The following UBASH3B variants were observed in gnomAD, a reference collection of about 807,000 sequenced individuals.
UBASH3B encodes the protein ubiquitin associated and SH3 domain containing B.
In UBASH3B, 37 loss-of-function variants were observed where a neutral mutation model predicts 83.4. The observed-to-expected ratio is 0.44, with a 90% CI of 0.34 to 0.58. The LOEUF is 0.58. UBASH3B is among the 20% of genes least tolerant of loss of function. The pLI is 0.01. For missense variants in UBASH3B, 657 were observed against 827.2 expected (o/e 0.79, Z 2.52); for synonymous variants, 304 against 318.3 (o/e 0.96, Z 0.48).
intron 1 of UBASH3B, among the ~76,000 whole-genome samples, chr11:122,681,069 T>C (rs1863732032): frequency 6.6e-6 from 1 of 152,230 alleles, no homozygotes; most frequent in Non-Finnish European, 1.5e-5. Flanking sequence ...TAGGTGCTAT[T>C]CCATAACAAA....
At chr11:122,733,658 T>A (rs1338287832) in intron 1 of UBASH3B, among the ~76,000 whole-genome samples, 1 of 152,230 alleles carries the variant, frequency 6.6e-6, no homozygotes, top group Non-Finnish European at 1.5e-5. Context: ...AGCCCTGGAA[T>A]TTTTGCTTTA....
At chr11:122,724,288 C>T (rs748607296) in intron 1 of UBASH3B, among the ~76,000 whole-genome samples, 6 of 152,072 alleles carry the variant, frequency 3.9e-5, no homozygotes, top group Non-Finnish European at 5.9e-5. Context: ...CAGGTTTTGG[C>T]GAGGAGCAGA....
intron 1 of UBASH3B, among the ~76,000 whole-genome samples, chr11:122,742,406 C>T (rs1398944957): frequency 1.3e-5 from 2 of 152,220 alleles, no homozygotes; most frequent in Admixed American, 1.3e-4. Flanking sequence ...CCTATGACCT[C>T]TGATGCTCCA....
At chr11:122,671,183 C>G (rs552432728) in intron 1 of UBASH3B, among the ~76,000 whole-genome samples, 1 of 152,348 alleles carries the variant, frequency 6.6e-6, no homozygotes, top group East Asian at 1.9e-4. Flanking sequence ...AGCCACACCA[C>G]TCCTGCCTTC....
chr11:122,790,850 C>T (rs1298910253), intron 6 of UBASH3B, among the ~76,000 whole-genome samples: 1 of 151,884 alleles, frequency 6.6e-6, no homozygotes, highest in Non-Finnish European at 1.5e-5. Context: ...ACTCAGGAGG[C>T]TGAGGCAGGA....
At chr11:122,719,029 C>T (rs941637267) in intron 1 of UBASH3B, among the ~76,000 whole-genome samples, 7 of 152,000 alleles carry the variant, frequency 4.6e-5, no homozygotes, top group East Asian at 3.9e-4. Context: ...AGATTGAGAC[C>T]GTCTCTCAAA....
chr11:122,792,390 C>T (rs2135166854), intron 6 of UBASH3B, among the ~76,000 whole-genome samples: 1 of 150,490 alleles, frequency 6.6e-6, no homozygotes, highest in Admixed American at 6.7e-5. Context: ...GCAATGTTAG[C>T]TCACTGTAAC....
intron 1 of UBASH3B, among the ~76,000 whole-genome samples, chr11:122,735,635 CA>C (rs1231138295): frequency 6.6e-6 from 1 of 152,206 alleles, no homozygotes; most frequent in African/African-American, 2.4e-5. Flanking sequence ...TCCCTAGTAG[CA>C]ACAACTAATT....
At chr11:122,746,675 G>A (rs1861123253) in intron 1 of UBASH3B, among the ~76,000 whole-genome samples, 1 of 152,106 alleles carries the variant, frequency 6.6e-6, no homozygotes, top group Admixed American at 6.5e-5. Context: ...TGAGACTTCC[G>A]AAGAGAGCTG....
chr11:122,705,466 A>G (rs995968596), intron 1 of UBASH3B, among the ~76,000 whole-genome samples: 1 of 151,798 alleles, frequency 6.6e-6, no homozygotes, highest in Non-Finnish European at 1.5e-5. Flanking sequence ...AAAAAAAAAA[A>G]AAAAAGAAAA....
chr11:122,776,476 A>AATT (rs1860737097), intron 2 of UBASH3B, among the ~76,000 whole-genome samples: 2 of 152,132 alleles, frequency 1.3e-5, no homozygotes, highest in South Asian at 4.1e-4. Flanking sequence ...GTTTAAAGAA[A>AATT]ATTCTAAGTA....
chr11:122,676,057 A>T (rs1372158466), intron 1 of UBASH3B, among the ~76,000 whole-genome samples: 1 of 152,234 alleles, frequency 6.6e-6, no homozygotes, highest in Non-Finnish European at 1.5e-5. Flanking sequence ...ATCTGGCTTT[A>T]GACCCCTCAG....
chr11:122,728,247 A>T (rs1860779657), intron 1 of UBASH3B, among the ~76,000 whole-genome samples: 1 of 152,174 alleles, frequency 6.6e-6, no homozygotes, highest in Non-Finnish European at 1.5e-5. Flanking sequence ...TTAGCCGTCC[A>T]CGTCATTTCT....
At chr11:122,673,064 G>A (rs1863620677) in intron 1 of UBASH3B, among the ~76,000 whole-genome samples, 1 of 152,184 alleles carries the variant, frequency 6.6e-6, no homozygotes, top group East Asian at 1.9e-4. Flanking sequence ...TCGCTGGTTG[G>A]GCAAGCGTTC....
rs1341970757 is a variant in UBASH3B at position 122,695,876 on chromosome 11, G to C, written c.161+39666G>C. Among the ~76,000 whole-genome samples, 3 of 152,248 alleles carry C rather than the reference G, an allele frequency of 2.0e-5. No homozygotes were observed. The East Asian group carries it at 5.8e-4, about 29-fold the overall frequency. On this transcript the variant is annotated intron_variant, in intron 1 of 13. Transcript: ENST00000284273. Reference sequence around the variant, plus strand: ...CTACGGGTGGTAGTTTAGAACTGTTGGGAAGTTACTAAATAGTCACATTGA... The same window carrying C: ...CTACGGGTGGTAGTTTAGAACTGTTCGGAAGTTACTAAATAGTCACATTGA...
At position 122,779,797 on chromosome 11, in the gene UBASH3B, A is replaced by G. The variant is rs570510232; in HGVS notation, c.601+102A>G. 4.3e-6 allele frequency: 6 copies of G among 1,398,804 alleles called. No individual in the cohort carries two copies. The African/African-American group carries it at 7.1e-5, about 16-fold the overall frequency. 86.6% of individuals were successfully genotyped at this position (1,398,804 alleles called of 1,614,324 possible). A position where few individuals can be genotyped will look rare whatever the true frequency, so the allele number is the denominator to read the frequency against. On this transcript the variant is annotated intron_variant, in intron 4 of 13. Coordinates refer to ENST00000284273, the MANE Select transcript of UBASH3B (RefSeq NM_032873.5). ...GGTAGAGGAGCAGGATGGGGTCAGG[A>G]GGTGGAGGACCCTGCAGGAATGGAC...
intron 6 of UBASH3B, among the ~76,000 whole-genome samples, chr11:122,793,735 C>T (rs1471065153): frequency 6.6e-6 from 1 of 152,190 alleles, no homozygotes; most frequent in Non-Finnish European, 1.5e-5. Context: ...GCTTCTGTAG[C>T]TATAGTGTTA....
intron 4 of UBASH3B, chr11:122,782,825 G>A (rs1039388406): frequency 5.1e-5 from 26 of 509,796 alleles, no homozygotes; most frequent in African/African-American, 3.3e-4. Flanking sequence ...GCAGCTCCTA[G>A]AGGAAAGCCG....
chr11:122,789,444 T>C lies in UBASH3B; in HGVS notation c.980+136T>C, dbSNP rs540647833. Reference sequence around the variant, plus strand: ...GATTCCAGAATTCCAGGAAAGGAGCTGATTTGAGGCATGGGGAAAATGCGA... The same window carrying C: ...GATTCCAGAATTCCAGGAAAGGAGCCGATTTGAGGCATGGGGAAAATGCGA... On this transcript the variant is annotated intron_variant, in intron 6 of 13. Transcript: ENST00000284273. 18 of 965,064 alleles carry C rather than the reference T, an allele frequency of 1.9e-5. No individual in the cohort carries two copies. In the African/African-American group the frequency reaches 2.6e-4, roughly 14 times the overall value. The allele number at this position is 965,064 out of a possible 1,614,324, so 59.8% of individuals were successfully genotyped here. A position where few individuals can be genotyped will look rare whatever the true frequency, so the allele number is the denominator to read the frequency against.
Sources: gnomAD v4.1 joint callset for allele counts (sites outside exome capture counted in the v4.1 genomes callset) on GRCh38, gnomAD v4.1.1 for gene constraint, MANE v1.5 for transcripts, NCBI Gene and HGNC (gene_info 2026-07-23, HGNC 2026-07-21) for gene names.